KATNIP: variants seen among roughly 807,000 people sequenced by gnomAD.
The protein encoded by KATNIP is katanin interacting protein.
Under a neutral mutation model 174.0 loss-of-function variants are expected in KATNIP, and 126 were observed. The ratio of observed to expected loss-of-function variants is 0.72; its 90% CI spans 0.63 to 0.84. The LOEUF (loss-of-function observed/expected upper bound fraction) is 0.84, where lower values mean the gene tolerates loss of function less well. Ranked by LOEUF, KATNIP falls within the 40% of genes least tolerant of loss-of-function variation. The pLI is 0.00. For missense variants in KATNIP, 1,958 were observed against 2,109.7 expected (o/e 0.93, Z 1.41); for synonymous variants, 810 against 835.7 (o/e 0.97, Z 0.53).
At chr16:27,574,103 T>C (rs559393291) in intron 2 of KATNIP, 147 bp downstream of exon 2, 1 of 652,796 alleles carries the variant, frequency 1.5e-6, no homozygotes, top group South Asian at 1.8e-5. Flanking sequence ...AGTGAGCAAC[T>C]AGACTTACCA....
chr16:27,762,908 A>C (rs544750477), intron 19 of KATNIP, among the ~76,000 whole-genome samples: 1 of 152,328 alleles, frequency 6.6e-6, no homozygotes, highest in South Asian at 2.1e-4. Context: ...CCCACCTGCC[A>C]GATTATCTGT....
chr16:27,725,891 G>C (rs1256047435), intron 14 of KATNIP, among the ~76,000 whole-genome samples: 2 of 151,940 alleles, frequency 1.3e-5, no homozygotes, highest in Admixed American at 6.5e-5. Context: ...TTTATATACA[G>C]AAAGGCACTC....
chr16:27,642,957 A>C (rs930690837), intron 5 of KATNIP, among the ~76,000 whole-genome samples: 1 of 152,080 alleles, frequency 6.6e-6, no homozygotes, highest in Non-Finnish European at 1.5e-5. Context: ...GCAGTACAGC[A>C]TGGTGATTTA....
chr16:27,638,315 G>A (rs902419276), intron 5 of KATNIP, among the ~76,000 whole-genome samples: 1 of 152,178 alleles, frequency 6.6e-6, no homozygotes, highest in Non-Finnish European at 1.5e-5. Flanking sequence ...AATAGACTGG[G>A]GGTGCCAGCT....
rs563641340 is a variant in KATNIP at position 27,744,667 on chromosome 16, G to A, written c.2623+3747G>A. 1.6e-3 allele frequency among the ~76,000 whole-genome samples: 251 copies of A among 152,176 alleles called. 2 individuals carry two copies. The highest frequency in any genetic ancestry group is 6.8e-3 in the Middle Eastern group (2 of 294). On this transcript the variant is annotated intron_variant, in intron 15 of 27. Transcript: ENST00000261588. Reference sequence around the variant, plus strand: ...GGAGGCTGAGACGGGAAGATCACCTGAGGTCAAGAATTCGAGACCAGCCTG... The same window carrying A: ...GGAGGCTGAGACGGGAAGATCACCTAAGGTCAAGAATTCGAGACCAGCCTG...
chr16:27,687,200 A>G (rs1404659735), intron 8 of KATNIP: 1 of 152,184 alleles, frequency 6.6e-6, no homozygotes, highest in Non-Finnish European at 1.5e-5. Context: ...AAAGGCCTCC[A>G]AGACGTTGGG....
intron 6 of KATNIP, among the ~76,000 whole-genome samples, chr16:27,671,718 T>G (rs1432399917): frequency 1.3e-5 from 2 of 152,110 alleles, no homozygotes; most frequent in African/African-American, 4.8e-5. Flanking sequence ...TTGTCCCACC[T>G]CCTAAAATCC....
intron 2 of KATNIP, among the ~76,000 whole-genome samples, chr16:27,600,023 A>G (rs1434678645): frequency 6.6e-6 from 1 of 152,074 alleles, no homozygotes; most frequent in Non-Finnish European, 1.5e-5. Flanking sequence ...CCCCTTTTAA[A>G]GCCACTCATC....
chr16:27,691,955 C>T (rs995557919), intron 8 of KATNIP, among the ~76,000 whole-genome samples: 2 of 152,218 alleles, frequency 1.3e-5, no homozygotes, highest in African/African-American at 4.8e-5. Context: ...GGTCATGAGA[C>T]GAGCTTCCAA....
At chr16:27,585,958 G>A (rs988746198) in intron 2 of KATNIP, among the ~76,000 whole-genome samples, 5 of 151,906 alleles carry the variant, frequency 3.3e-5, no homozygotes, top group African/African-American at 7.3e-5. Context: ...AAAATTAGGC[G>A]GGCGTGGTGG....
At chr16:27,658,497 A>T (rs1046152920) in intron 6 of KATNIP, among the ~76,000 whole-genome samples, 1 of 152,212 alleles carries the variant, frequency 6.6e-6, no homozygotes, top group Non-Finnish European at 1.5e-5. Flanking sequence ...GGGATATTTT[A>T]AAAAATCAAA....
At chr16:27,653,312 G>A (rs1400270974) in intron 6 of KATNIP, among the ~76,000 whole-genome samples, 2 of 152,160 alleles carry the variant, frequency 1.3e-5, no homozygotes, top group African/African-American at 4.8e-5. Context: ...GTGGATGGTG[G>A]CATGGGGTGA....
At chr16:27,724,213 A>T (rs1169531387) in intron 14 of KATNIP, among the ~76,000 whole-genome samples, 5 of 152,070 alleles carry the variant, frequency 3.3e-5, no homozygotes, top group Non-Finnish European at 1.5e-5. Flanking sequence ...TGGCACACTA[A>T]GAGCTTCTGG....
intron 1 of KATNIP, among the ~76,000 whole-genome samples, chr16:27,550,531 T>C (rs1464528982): frequency 1.3e-5 from 2 of 152,118 alleles, no homozygotes; most frequent in African/African-American, 4.8e-5. Context: ...AAAACAAGCT[T>C]GATCGTGGGA....
chr16:27,740,769 G>A lies in KATNIP; in HGVS notation c.2472G>A (p.Glu824=), dbSNP rs1295509870. 4 of 1,614,216 alleles carry A rather than the reference G, an allele frequency of 2.5e-6. No homozygotes were observed. In the South Asian group the frequency reaches 4.4e-5, roughly 18 times the overall value. The change falls in exon 15 of 28, where the codon GAG becomes GAA. Residue 824 remains glutamate, a synonymous_variant. Transcript: ENST00000261588. ...WGTSRSVNTK[E]RPQRATTKVH... is the part of the protein sequence containing the mutation. ...CCAGCCGGAGTGTCAACACCAAGGAGAGACCCCAGAGGGCAACCACCAAAG... is the reference window on the plus strand; with the variant it reads ...CCAGCCGGAGTGTCAACACCAAGGAAAGACCCCAGAGGGCAACCACCAAAG...
chr16:27,700,729 C>T (rs1433430566), intron 10 of KATNIP, among the ~76,000 whole-genome samples: 2 of 152,102 alleles, frequency 1.3e-5, no homozygotes, highest in East Asian at 3.9e-4. Flanking sequence ...AGGAAGAAGC[C>T]CTTTGTGAGG....
chr16:27,633,098 G>A (rs896518421), intron 5 of KATNIP, among the ~76,000 whole-genome samples: 2 of 152,088 alleles, frequency 1.3e-5, no homozygotes, highest in African/African-American at 2.4e-5. Context: ...GCCTCCTGGC[G>A]GTTAAGGAGG....
chr16:27,681,303 G>A, intron 7 of KATNIP, 96 bp from the exon 8 acceptor site: 1 of 1,466,492 alleles, frequency 6.8e-7, no homozygotes, highest in Non-Finnish European at 9.5e-7. Flanking sequence ...GACATTTGTT[G>A]AATGAGTAAG....
intron 1 of KATNIP, among the ~76,000 whole-genome samples, chr16:27,557,577 G>A (rs1471951035): frequency 1.3e-5 from 2 of 151,964 alleles, no homozygotes; most frequent in African/African-American, 4.8e-5. Context: ...ACAGGTGTGT[G>A]CCACCATGCC....
Sources: allele counts gnomAD v4.1 joint callset (sites outside exome capture counted in the v4.1 genomes callset), GRCh38; gene constraint gnomAD v4.1.1; transcripts MANE v1.5; gene names NCBI Gene and HGNC (gene_info 2026-07-23, HGNC 2026-07-21).